The following PFKP variants were observed in gnomAD, a reference collection of about 807,000 sequenced individuals.
PFKP encodes ATP-dependent 6-phosphofructokinase, platelet type.
Under a neutral mutation model 94.3 loss-of-function variants are expected in PFKP, and 101 were observed. The ratio of observed to expected loss-of-function variants is 1.07; its 90% CI spans 0.91 to 1.26. The LOEUF (loss-of-function observed/expected upper bound fraction) is 1.26, where lower values mean the gene tolerates loss of function less well. Among genes scored for constraint, PFKP ranks in the 50% most tolerant of loss-of-function variants. The pLI is 0.00. For synonymous variants in PFKP, 573 were observed against 432.6 expected, an observed-to-expected ratio of 1.32 and a Z score of -4.03; for missense variants, 1,145 against 1,103.3, an observed-to-expected ratio of 1.04 and a Z score of -0.53.
intron 20 of PFKP, 101 bp from the exon 21 acceptor site, chr10:3,135,625 GGGTTCAGCAT>G (rs1190109582): frequency 4.5e-6 from 3 of 662,886 alleles, no homozygotes; most frequent in Non-Finnish European, 7.9e-6. Context: ...CTTCCAGGCC[GGGTTCAGCAT>G]GGTTCTGAGG....
intron 10 of PFKP, among the ~76,000 whole-genome samples, chr10:3,110,148 G>A (rs1836030399): frequency 6.6e-6 from 1 of 152,222 alleles, no homozygotes; most frequent in East Asian, 1.9e-4. Context: ...TTCAGGCATT[G>A]GTTCAGTAGT....
chr10:3,075,731 A>T (rs1462662418), intron 1 of PFKP, among the ~76,000 whole-genome samples: 3 of 150,328 alleles, frequency 2.0e-5, no homozygotes, highest in African/African-American at 7.4e-5. Flanking sequence ...GGCAAGACCT[A>T]GTCTCTACAA....
Position 3,084,886 on chromosome 10 carries a change from C to T in PFKP, c.186+2425C>T, listed in dbSNP as rs867157406. Reference sequence around the variant, plus strand: ...CGGTCCCCCACTCCACTCTCCAGCACGGTCCCCCACTCCACTCTCCAGCAC... The same window carrying T: ...CGGTCCCCCACTCCACTCTCCAGCATGGTCCCCCACTCCACTCTCCAGCAC... On this transcript the variant is annotated intron_variant, in intron 2 of 21. Transcript: ENST00000381125. Among the ~76,000 whole-genome samples, 75 of 94,210 alleles carry T rather than the reference C, an allele frequency of 8.0e-4. 3 individuals are homozygous for T. Among genetic ancestry groups the T allele is most frequent in the South Asian group, 3.2e-3 (8 of 2,530 alleles). 61.8% of individuals were successfully genotyped at this position (94,210 alleles called of 152,430 possible).
At chr10:3,092,489 C>T (rs7090199) in intron 2 of PFKP, among the ~76,000 whole-genome samples, 52,559 of 151,198 alleles carry the variant, frequency 0.35, 10,656 homozygotes, top group Non-Finnish European at 0.46. Flanking sequence ...TTAGCAACAG[C>T]GTATTATATT....
At chr10:3,120,633 A>G (rs1837311073) in intron 16 of PFKP, among the ~76,000 whole-genome samples, 1 of 152,192 alleles carries the variant, frequency 6.6e-6, no homozygotes, top group Non-Finnish European at 1.5e-5. Flanking sequence ...TTTTGCCAAG[A>G]GACAATAATA....
At chr10:3,077,768 G>A (rs1223987843) in intron 1 of PFKP, among the ~76,000 whole-genome samples, 2 of 152,150 alleles carry the variant, frequency 1.3e-5, no homozygotes, top group African/African-American at 4.8e-5. Flanking sequence ...TCTCTTACCT[G>A]CATTGTGGTT....
intron 4 of PFKP, 50 bp downstream of exon 4, chr10:3,101,604 A>G: frequency 7.4e-7 from 1 of 1,349,778 alleles, no homozygotes; most frequent in Non-Finnish European, 9.9e-7. Flanking sequence ...CCTGTTTCAG[A>G]GCTTTGGAAC....
rs189099830 is a variant in PFKP, at chr10:3,124,193, C to A, written c.1683+4149C>A. On this transcript the variant is annotated intron_variant, in intron 16 of 21. Transcript: ENST00000381125. ...GTGTGGGCGCCGCCCTGTGTCCCAC[C>A]AGTAGCATTTCTGCAGCAGATGTGG... Among the ~76,000 whole-genome samples the A allele has an allele frequency of 5.4e-4, 82 of 152,276 alleles. No individual in the cohort carries two copies. In the East Asian group the frequency reaches 0.012, roughly 22 times the overall value.
rs1588490976 is a variant in PFKP at position 3,109,225 on chromosome 10, G to A, written c.964-130G>A. On this transcript the variant is annotated intron_variant, in intron 9 of 21. Coordinates refer to ENST00000381125, the MANE Select transcript of PFKP (RefSeq NM_002627.5). ...GGAGTGGAAATCGCTTTGCTCTAAA[G>A]AGTTGGGCTGGAAGCGGGAGGGGCT... 8.2e-6 allele frequency: 10 copies of A among 1,216,892 alleles called. No individual in the cohort carries two copies. In the East Asian group the frequency reaches 1.6e-4, roughly 20 times the overall value. 75.4% of individuals were successfully genotyped at this position (1,216,892 alleles called of 1,614,324 possible). A position where few individuals can be genotyped will look rare whatever the true frequency, so the allele number is the denominator to read the frequency against.
chr10:3,074,279 T>C (rs1832418150), intron 1 of PFKP, among the ~76,000 whole-genome samples: 1 of 152,206 alleles, frequency 6.6e-6, no homozygotes, highest in African/African-American at 2.4e-5. Flanking sequence ...GACGTGCCTG[T>C]AGCCTGACCT....
intron 15 of PFKP, among the ~76,000 whole-genome samples, chr10:3,119,624 AAAGT>A (rs1392301567): frequency 1.3e-5 from 2 of 152,040 alleles, no homozygotes; most frequent in African/African-American, 4.8e-5. Context: ...AAACAAAAAC[AAAGT>A]AAGAACCTCA....
chr10:3,131,534 G>A (rs138316990), intron 17 of PFKP, among the ~76,000 whole-genome samples: 17 of 152,288 alleles, frequency 1.1e-4, no homozygotes, highest in African/African-American at 3.6e-4. Flanking sequence ...TCGGCTCACT[G>A]CAACTTCCGC....
intron 2 of PFKP, among the ~76,000 whole-genome samples, chr10:3,093,490 C>T (rs1430215561): frequency 2.0e-5 from 3 of 152,204 alleles, no homozygotes; most frequent in African/African-American, 7.2e-5. Context: ...CTTCCACTAA[C>T]ACGCGTGCGT....
chr10:3,067,897 C>T (rs1831854330), intron 1 of PFKP, among the ~76,000 whole-genome samples, 190 bp downstream of exon 1: 1 of 152,172 alleles, frequency 6.6e-6, no homozygotes, highest in African/African-American at 2.4e-5. Context: ...GGAAGAAGCC[C>T]GCGCCCGGAA....
At chr10:3,091,107 C>G (rs544179018) in intron 2 of PFKP, among the ~76,000 whole-genome samples, 1 of 152,150 alleles carries the variant, frequency 6.6e-6, no homozygotes. Context: ...GCCAAGCCTA[C>G]GTGTGAAGCA....
At position 3,136,723 on chromosome 10, in the gene PFKP, C is replaced by A. The variant is rs541; in HGVS notation, c.*144C>A. 9.4e-6 allele frequency: 7 copies of A among 741,834 alleles called. No individual in the cohort carries two copies. Among genetic ancestry groups the A allele is most frequent in the Non-Finnish European group, 1.5e-5 (7 of 452,700 alleles). 46.0% of individuals were successfully genotyped at this position (741,834 alleles called of 1,614,324 possible). ...CCCATCTGCCCCACCTGCTCCAGTG[C>A]GTGCTGTCTGTGGAGTGTGTCTCAT... is the stretch of plus-strand genomic sequence containing the variant. On this transcript the variant is annotated 3_prime_UTR_variant, in exon 22 of 22. Coordinates refer to ENST00000381125, the MANE Select transcript of PFKP (RefSeq NM_002627.5).
intron 16 of PFKP, chr10:3,125,085 C>T: frequency 1.6e-6 from 2 of 1,256,060 alleles, no homozygotes; most frequent in Non-Finnish European, 2.1e-6. Flanking sequence ...CCGCTTGGCC[C>T]TGCTGCTTCA....
chr10:3,133,603 G>A (rs1294250501), intron 19 of PFKP, among the ~76,000 whole-genome samples: 2 of 152,236 alleles, frequency 1.3e-5, no homozygotes, highest in East Asian at 3.9e-4. Flanking sequence ...GCTAATTTTT[G>A]TATTTTTAGT....
At chr10:3,123,104 G>A in intron 16 of PFKP, among the ~76,000 whole-genome samples, 1 of 152,198 alleles carries the variant, frequency 6.6e-6, no homozygotes. Flanking sequence ...CGGTGCTGGT[G>A]AGTGGTCCTC....
Sources: allele counts gnomAD v4.1 joint callset (sites outside exome capture counted in the v4.1 genomes callset), GRCh38; gene constraint gnomAD v4.1.1; transcripts MANE v1.5; gene names NCBI Gene and HGNC (gene_info 2026-07-23, HGNC 2026-07-21).